The following PASD1 variants were observed in gnomAD, a reference collection of about 807,000 sequenced individuals.
PASD1 encodes the protein circadian clock protein PASD1.
In PASD1, 13 loss-of-function variants were observed where a neutral mutation model predicts 58.8. The ratio of observed to expected loss-of-function variants is 0.22; its 90% confidence interval spans 0.14 to 0.35. The LOEUF (loss-of-function observed/expected upper bound fraction) is 0.35, where lower values mean the gene tolerates loss of function less well. Ranked by LOEUF, PASD1 falls within the 10% of genes least tolerant of loss-of-function variation. The probability of loss-of-function intolerance (pLI) is 1.00; values close to 1 mark genes in which losing one functional copy is unlikely to be tolerated. For synonymous variants in PASD1, 236 were observed against 216.7 expected, an observed-to-expected ratio of 1.09 and a Z score of -0.78; for missense variants, 734 against 568.3, an observed-to-expected ratio of 1.29 and a Z score of -2.96.
At chrX:151,647,749 T>C (rs998806147) in intron 8 of PASD1, among the ~76,000 whole-genome samples, 1 of 110,953 alleles carries the variant, frequency 9.0e-6, no homozygotes, top group East Asian at 2.8e-4. Context: ...AATGGATTTT[T>C]GTCAGGGTCC....
At chrX:151,635,499 G>A (rs1476745966) in intron 8 of PASD1, among the ~76,000 whole-genome samples, 2 of 111,641 alleles carry the variant, frequency 1.8e-5, no homozygotes, top group Non-Finnish European at 3.8e-5. Flanking sequence ...CAACACCATA[G>A]GGTTCATTCT....
chrX:151,673,984 C>A lies in PASD1; in HGVS notation c.1973C>A (p.Thr658Asn). 1 of 1,210,775 alleles carries A rather than the reference C, an allele frequency of 8.3e-7. No homozygotes were observed. Among genetic ancestry groups the A allele is most frequent in the Non-Finnish European group, 1.1e-6 (1 of 894,514 alleles). Reference sequence around the variant, plus strand: ...GTGAACCAGCTGCCATTGATAGATACCTCAAACTCTGAGGCAATTTCTTCT... The same window carrying A: ...GTGAACCAGCTGCCATTGATAGATAACTCAAACTCTGAGGCAATTTCTTCT... The part of the protein sequence containing the change: ...PPVNQLPLID[T>N]SNSEAISSSS... Residue 658 changes from threonine (T) to asparagine (N), a missense_variant, in exon 15 of 16, where the codon ACC (threonine) becomes AAC (asparagine). Transcript: ENST00000370357.
chrX:151,593,776 G>A (rs1283519071), intron 1 of PASD1, among the ~76,000 whole-genome samples: 3 of 110,621 alleles, frequency 2.7e-5, no homozygotes, highest in Non-Finnish European at 5.7e-5. Context: ...GGGATTGCTG[G>A]GTCAAATGGT....
chrX:151,605,906 G>A (rs1189156390), intron 3 of PASD1, among the ~76,000 whole-genome samples: 2 of 112,204 alleles, frequency 1.8e-5, no homozygotes, highest in African/African-American at 6.5e-5. Flanking sequence ...TTTATTAGAG[G>A]TTTTGTTTTA....
At chrX:151,671,238 T>C in intron 12 of PASD1, 42 bp downstream of exon 12, 2 of 1,185,046 alleles carry the variant, frequency 1.7e-6, no homozygotes, top group Non-Finnish European at 2.3e-6. Flanking sequence ...ACCAGTTCTA[T>C]ATTAGTAGCA....
At chrX:151,620,884 C>G in intron 4 of PASD1, 46 bp from the exon 5 acceptor site, 1 of 998,147 alleles carries the variant, frequency 1.0e-6, no homozygotes, top group Admixed American at 2.3e-5. Context: ...CTCTCTCCCT[C>G]TTCCCCTCCT....
chrX:151,648,280 A>ATT (rs796387913), intron 8 of PASD1, among the ~76,000 whole-genome samples: 2 of 104,471 alleles, frequency 1.9e-5, no homozygotes, highest in Non-Finnish European at 2.0e-5. Flanking sequence ...GCCTAAAGGC[A>ATT]TTTTTTTTTT....
At chrX:151,643,771 C>CA (rs1290446593) in intron 8 of PASD1, among the ~76,000 whole-genome samples, 1 of 111,348 alleles carries the variant, frequency 9.0e-6, no homozygotes, top group Non-Finnish European at 1.9e-5. Flanking sequence ...CTGGCTTTGT[C>CA]ACTTACTGGT....
intron 8 of PASD1, among the ~76,000 whole-genome samples, chrX:151,635,439 T>C (rs954703028): frequency 8.9e-6 from 1 of 112,002 alleles, no homozygotes; most frequent in Admixed American, 9.5e-5. Flanking sequence ...TATGAGTGTA[T>C]ATAAAATAAT....
chrX:151,602,596 T>TGA (rs1371207197), intron 2 of PASD1, among the ~76,000 whole-genome samples: 1 of 110,463 alleles, frequency 9.1e-6, no homozygotes, highest in Non-Finnish European at 1.9e-5. Flanking sequence ...CTCGGGAGGC[T>TGA]GAGGCAAGAC....
intron 1 of PASD1, among the ~76,000 whole-genome samples, chrX:151,568,819 T>A (rs1038510544): frequency 1.8e-5 from 2 of 111,774 alleles, no homozygotes; most frequent in African/African-American, 3.3e-5. Context: ...TTTCACCGAA[T>A]ATATGGGTGA....
intron 1 of PASD1, among the ~76,000 whole-genome samples, chrX:151,599,839 C>G (rs373811950): frequency 9.0e-6 from 1 of 110,848 alleles, no homozygotes; most frequent in African/African-American, 3.3e-5. Context: ...CAGGCAGAGA[C>G]GCTCCTCACT....
chrX:151,648,142 G>A (rs2014083635), intron 8 of PASD1, among the ~76,000 whole-genome samples: 1 of 110,037 alleles, frequency 9.1e-6, no homozygotes, highest in Non-Finnish European at 1.9e-5. Flanking sequence ...CTAGTATTTC[G>A]ACTCTAGTGT....
chrX:151,612,475 C>T (rs1206952512), intron 4 of PASD1, among the ~76,000 whole-genome samples: 1 of 109,841 alleles, frequency 9.1e-6, no homozygotes, highest in Non-Finnish European at 1.9e-5. Context: ...CTCTCCAGCA[C>T]CTGTCGTTTC....
At chrX:151,572,675 G>A (rs1457317688) in intron 1 of PASD1, among the ~76,000 whole-genome samples, 2 of 110,382 alleles carry the variant, frequency 1.8e-5, no homozygotes, top group African/African-American at 6.6e-5. Flanking sequence ...ATTTTAAATT[G>A]AAAAAGGACT....
In PASD1 at chrX:151,630,997, C is replaced by T. The variant is rs760452813; in HGVS notation, c.629+5467C>T. On this transcript the variant is annotated intron_variant, in intron 8 of 15. Transcript: ENST00000370357. The stretch of plus-strand genomic sequence containing the variant: ...GATTTGTGAGTCAGTGAGGGGCAGG[C>T]AAAAAAGTGAATACTGAGTAGCCCT... Among the ~76,000 whole-genome samples, 3 of 111,321 alleles carry T rather than the reference C, an allele frequency of 2.7e-5. No individual in the cohort carries two copies. In the Admixed American group the frequency reaches 2.9e-4, roughly 11 times the overall value.
At chrX:151,598,420 T>C (rs889468037) in intron 1 of PASD1, among the ~76,000 whole-genome samples, 6 of 111,664 alleles carry the variant, frequency 5.4e-5, no homozygotes, top group Non-Finnish European at 9.4e-5. Context: ...GTGGTTTTAT[T>C]TTGATTTATC....
intron 8 of PASD1, among the ~76,000 whole-genome samples, chrX:151,645,141 G>A (rs2014044388): frequency 9.0e-6 from 1 of 111,548 alleles, no homozygotes; most frequent in South Asian, 3.8e-4. Context: ...GACAAGCCTT[G>A]GTTAGAGTAA....
chrX:151,673,994 T>A lies in PASD1; in HGVS notation c.1983T>A (p.Ser661=). The A allele has an allele frequency of 8.3e-7, 1 of 1,211,120 alleles. No individual in the cohort carries two copies. The highest frequency in any genetic ancestry group is 3.0e-5 in the East Asian group (1 of 33,834). The change falls in exon 15 of 16, where the codon TCT becomes TCA. Residue 661 remains serine, a synonymous_variant. Coordinates refer to ENST00000370357, the MANE Select transcript of PASD1 (RefSeq NM_173493.3). ...NQLPLIDTSN[S]EAISSSSIPQ... is the part of the protein sequence containing the mutation. ...TGCCATTGATAGATACCTCAAACTCTGAGGCAATTTCTTCTTCCAGCATTC... is the reference window on the plus strand; with the variant it reads ...TGCCATTGATAGATACCTCAAACTCAGAGGCAATTTCTTCTTCCAGCATTC...
Sources: gnomAD v4.1 joint callset for allele counts (sites outside exome capture counted in the v4.1 genomes callset) on GRCh38, gnomAD v4.1.1 for gene constraint, MANE v1.5 for transcripts, NCBI Gene and HGNC (gene_info 2026-07-23, HGNC 2026-07-21) for gene names.